PTPRA: variants seen among roughly 807,000 people sequenced by gnomAD.
PTPRA encodes receptor-type tyrosine-protein phosphatase alpha.
In PTPRA, 25 loss-of-function variants were observed where a neutral mutation model predicts 104.8. That is an observed-to-expected ratio of 0.24 (90% CI 0.17 to 0.33). PTPRA has a LOEUF of 0.33. Ranked by LOEUF, PTPRA falls within the 10% of genes least tolerant of loss-of-function variation. The pLI, the probability that PTPRA is intolerant of heterozygous loss-of-function variation, is 1.00. For synonymous variants in PTPRA, 323 were observed against 368.9 expected (o/e 0.88, Z 1.43); for missense variants, 765 against 1,015.3 (o/e 0.75, Z 3.35).
At chr20:3,029,540 C>CTTTTTTTTTTTTTTTGTTTT (rs2065323338) in intron 20 of PTPRA, among the ~76,000 whole-genome samples, 1 of 78,084 alleles carries the variant, frequency 1.3e-5, no homozygotes, top group Non-Finnish European at 2.3e-5. Flanking sequence ...TCTTCATCAT[C>CTTTTTTTTTTTTTTTGTTTT]TTTTTTTTTT....
At chr20:2,984,652 ACT>A (rs1460034874) in intron 6 of PTPRA, among the ~76,000 whole-genome samples, 1 of 152,104 alleles carries the variant, frequency 6.6e-6, no homozygotes, top group Non-Finnish European at 1.5e-5. Flanking sequence ...TTCTCATCAC[ACT>A]CAGAATTAAA....
intron 2 of PTPRA, among the ~76,000 whole-genome samples, chr20:2,946,270 C>G (rs967646563): frequency 6.6e-6 from 1 of 152,080 alleles, no homozygotes; most frequent in Admixed American, 6.6e-5. Flanking sequence ...TATTAATGAG[C>G]TTTCCCCCCA....
chr20:3,014,266 C>G (rs902576053), intron 11 of PTPRA, among the ~76,000 whole-genome samples: 1 of 152,192 alleles, frequency 6.6e-6, no homozygotes, highest in Non-Finnish European at 1.5e-5. Flanking sequence ...CTAAACATAT[C>G]CATCTCTGAG....
chr20:3,033,898 C>A, intron 20 of PTPRA, among the ~76,000 whole-genome samples: 1 of 22,684 alleles, frequency 4.4e-5, no homozygotes, highest in African/African-American at 2.1e-4. Context: ...GAAGCTCCAT[C>A]TCAAAAAAAA....
intron 2 of PTPRA, among the ~76,000 whole-genome samples, chr20:2,940,217 CT>C (rs937772827): frequency 1.3e-5 from 2 of 152,172 alleles, no homozygotes; most frequent in African/African-American, 4.8e-5. Context: ...AAATTATGAA[CT>C]TTAGTTCCAG....
intron 2 of PTPRA, among the ~76,000 whole-genome samples, chr20:2,928,917 G>T (rs1480358163): frequency 1.3e-5 from 2 of 149,946 alleles, no homozygotes; most frequent in Non-Finnish European, 3.0e-5. Flanking sequence ...GCAGCCTCGA[G>T]CTCCCAGGTT....
At chr20:2,918,497 G>T (rs1173233792) in intron 1 of PTPRA, among the ~76,000 whole-genome samples, 3 of 152,178 alleles carry the variant, frequency 2.0e-5, no homozygotes, top group East Asian at 3.8e-4. Flanking sequence ...TAACAGTAGG[G>T]GATGGTAATG....
At chr20:2,865,540 C>G in the PTPRA span, 1 of 1,572,404 alleles carries the variant, frequency 6.4e-7, no homozygotes, top group Admixed American at 1.7e-5. The surrounding 1 kb of genome is among the most constrained non-coding windows in gnomAD (Gnocchi z 5.2). Context: ...TGAGGGTAGT[C>G]TTCGGGAGAG....
At chr20:3,009,550 C>G (rs1024007671) in intron 11 of PTPRA, among the ~76,000 whole-genome samples, 1 of 152,072 alleles carries the variant, frequency 6.6e-6, no homozygotes, top group African/African-American at 2.4e-5. Flanking sequence ...TGGGGCAGTC[C>G]GGGCATTCTC....
At chr20:2,885,584 A>G (rs2090332486) in intron 1 of PTPRA, among the ~76,000 whole-genome samples, 1 of 152,236 alleles carries the variant, frequency 6.6e-6, no homozygotes, top group South Asian at 2.1e-4. Flanking sequence ...AGAACATATC[A>G]TTCATGAAAT....
At chr20:2,909,889 T>C (rs1289597103) in intron 1 of PTPRA, among the ~76,000 whole-genome samples, 2 of 130,622 alleles carry the variant, frequency 1.5e-5, no homozygotes, top group African/African-American at 2.9e-5. Context: ...ATATTAATTA[T>C]AATATATAAT....
intron 1 of PTPRA, among the ~76,000 whole-genome samples, chr20:2,884,849 G>GAGT (rs2090288901): frequency 7.0e-6 from 1 of 143,406 alleles, no homozygotes; most frequent in Non-Finnish European, 1.5e-5. Flanking sequence ...TCGCTCTGTC[G>GAGT]CCCAGGCTGG....
rs2063804806 is a variant in PTPRA at position 3,005,131 on chromosome 20, G to A, written c.814G>A (p.Val272Ile). 3.7e-6 allele frequency: 6 copies of A among 1,602,262 alleles called. No homozygotes were observed. The highest frequency in any genetic ancestry group is 5.1e-6 in the Non-Finnish European group (6 of 1,169,198). The change falls in exon 10 of 24, where the codon GTA (valine) becomes ATA (isoleucine). Residue 272 changes from valine to isoleucine, a missense_variant. This residue lies in a region of PTPRA where 245 missense variants were observed against 398.7 expected (regional missense o/e 0.61). Transcript: ENST00000399903. ...KEENKEKNRY[V>I]NILPYDHSRV... ...GGAAAACAAGGAAAAAAATCGATAT[G>A]TAAACATCTTGCCTTGTGAGTGTCT...
At chr20:2,885,501 A>G (rs1357172765) in intron 1 of PTPRA, among the ~76,000 whole-genome samples, 1 of 152,202 alleles carries the variant, frequency 6.6e-6, no homozygotes, top group Non-Finnish European at 1.5e-5. Flanking sequence ...CAGTGTGACA[A>G]TCTTCTGATC....
At chr20:2,907,957 G>A (rs1329219852) in intron 1 of PTPRA, among the ~76,000 whole-genome samples, 1 of 151,682 alleles carries the variant, frequency 6.6e-6, no homozygotes, top group African/African-American at 2.4e-5. Context: ...TTACCTGTCT[G>A]GAGAAAGCCT....
intron 9 of PTPRA, among the ~76,000 whole-genome samples, chr20:2,991,847 C>A (rs1171702415): frequency 6.6e-6 from 1 of 152,196 alleles, no homozygotes; most frequent in Admixed American, 6.5e-5. Context: ...TAAATATTTT[C>A]TTTCTTGTGC....
At chr20:2,880,957 A>G (rs148078) in intron 1 of PTPRA, among the ~76,000 whole-genome samples, 98,373 of 151,522 alleles carry the variant, frequency 0.65, 33,890 homozygotes, top group African/African-American at 0.86. Flanking sequence ...GCATTGAGCC[A>G]TGATTGCACC....
chr20:2,902,370 T>C (rs754847315), intron 1 of PTPRA, among the ~76,000 whole-genome samples: 4 of 152,214 alleles, frequency 2.6e-5, no homozygotes, highest in Non-Finnish European at 5.9e-5. Context: ...TTCTTTCTTT[T>C]TTCCCTACTC....
intron 13 of PTPRA, among the ~76,000 whole-genome samples, chr20:3,019,693 A>G (rs1021776812): frequency 6.6e-5 from 10 of 152,296 alleles, no homozygotes; most frequent in Admixed American, 2.6e-4. Context: ...AGAGGCTGCA[A>G]TCTCGGCGCT....
Sources: allele counts gnomAD v4.1 joint callset (sites outside exome capture counted in the v4.1 genomes callset), GRCh38; gene constraint gnomAD v4.1.1; regional missense constraint gnomAD v4.1.1; non-coding constraint Gnocchi (gnomAD v3.1); transcripts MANE v1.5; gene names NCBI Gene and HGNC (gene_info 2026-07-23, HGNC 2026-07-21).